IFNAR2: variants seen among roughly 807,000 people sequenced by gnomAD.
IFNAR2 encodes interferon alpha/beta receptor 2.
IFNAR2 carries 30 observed loss-of-function variants against 49.4 expected under a neutral mutation model. That is an observed-to-expected ratio of 0.61 (90% CI 0.45 to 0.82). IFNAR2 has a LOEUF of 0.82. IFNAR2 is among the 40% of genes least tolerant of loss of function. The pLI is 0.00. For missense variants in IFNAR2, 600 were observed against 622.7 expected (o/e 0.96, Z 0.39); for synonymous variants, 224 against 234.5 (o/e 0.96, Z 0.41).
chr21:33,230,426 A>AC lies in IFNAR2; in HGVS notation c.-84+214dup. ...CCGGGGCCGCACCTGCGACCCCAGGACCCCTCCCGGGCCCTGTCCTGCGCC... is the reference window on the plus strand; with the variant it reads ...CCGGGGCCGCACCTGCGACCCCAGGACCCCCTCCCGGGCCCTGTCCTGCGCC... On this transcript the variant is annotated intron_variant, in intron 1 of 8. Transcript: ENST00000342136. The surrounding 1 kb of genome is among the most constrained non-coding windows in gnomAD (Gnocchi z 5.5). 2 of 469,120 alleles carry AC rather than the reference A, an allele frequency of 4.3e-6. No homozygotes were observed. Among genetic ancestry groups the AC allele is most frequent in the Non-Finnish European group, 8.3e-6 (2 of 240,960 alleles). 29.1% of individuals were successfully genotyped at this position (469,120 alleles called of 1,614,324 possible).
At chr21:33,258,390 G>C (rs1456594925) in intron 7 of IFNAR2, among the ~76,000 whole-genome samples, 1 of 152,028 alleles carries the variant, frequency 6.6e-6, no homozygotes, top group South Asian at 2.1e-4. Flanking sequence ...TGAAGGAGGG[G>C]GCCATGAGCA....
rs1459262889 is a variant in IFNAR2 at position 33,242,751 on chromosome 21, TCGTGTG to T, written c.55+781_55+786del. ...CTCAAAAAAAAAAAAAAAAAAAATC[TCGTGTG>T]CGTGTGTGTGTGTGTGTGTGTGTGT... On this transcript the variant is annotated intron_variant, in intron 2 of 8. Coordinates refer to ENST00000342136, the MANE Select transcript of IFNAR2 (RefSeq NM_001289125.3). 4.1e-3 allele frequency among the ~76,000 whole-genome samples: 46 copies of T among 11,162 alleles called. 10 individuals are homozygous for T. The highest frequency in any genetic ancestry group is 6.0e-3 in the Non-Finnish European group (34 of 5,700). 7.3% of individuals were successfully genotyped at this position (11,162 alleles called of 152,430 possible).
Position 33,262,833 on chromosome 21 carries a change from C to T in IFNAR2, c.881C>T (p.Pro294Leu). ...TTAGCCTGGCCATTTCCTAACCTGC[C>T]ACCGTTGGAAGCCATGGATATGGTG... is the stretch of plus-strand genomic sequence containing the variant. Reference protein sequence around the residue: ...NFLAWPFPNLPPLEAMDMVEV... With the variant: ...NFLAWPFPNLLPLEAMDMVEV... Residue 294 changes from proline to leucine, a missense_variant, in exon 9 of 9, where the codon CCA (proline) becomes CTA (leucine). Transcript: ENST00000342136. 6.2e-7 allele frequency: 1 copy of T among 1,609,118 alleles called. No homozygotes were observed. The highest frequency in any genetic ancestry group is 1.7e-4 in the Middle Eastern group (1 of 6,028).
chr21:33,237,110 T>TGTGTGTG (rs1439441197), intron 1 of IFNAR2, among the ~76,000 whole-genome samples: 2 of 148,502 alleles, frequency 1.3e-5, no homozygotes, highest in African/African-American at 2.5e-5. Flanking sequence ...TGTGTGTGTG[T>TGTGTGTG]TTTCTCGGCT....
intron 1 of IFNAR2, chr21:33,233,011 A>G: frequency 1.3e-6 from 1 of 794,804 alleles, no homozygotes; most frequent in South Asian, 5.7e-5. Flanking sequence ...AACAGAAGAA[A>G]TTCATTACCA....
Position 33,265,172 on chromosome 21 carries a change from T to C in IFNAR2, c.*1672T>C, listed in dbSNP as rs1000251675. On this transcript the variant is annotated 3_prime_UTR_variant, in exon 9 of 9. Coordinates refer to ENST00000342136, the MANE Select transcript of IFNAR2 (RefSeq NM_001289125.3). ...GGATTGGACTAGGTAATCTCCAAGA[T>C]CCTAGGAACCCAGGAGAAAGATGAG... 6.6e-6 allele frequency: 1 copy of C among 152,088 alleles called. No individual in the cohort carries two copies. Among genetic ancestry groups the C allele is most frequent in the African/African-American group, 2.4e-5 (1 of 41,376 alleles). 9.4% of individuals were successfully genotyped at this position (152,088 alleles called of 1,614,324 possible). A position where few individuals can be genotyped will look rare whatever the true frequency, so the allele number is the denominator to read the frequency against.
In IFNAR2 at chr21:33,260,782, C is replaced by T. The variant is rs1386155925; in HGVS notation, c.840+55C>T. On this transcript the variant is annotated intron_variant, in intron 8 of 8. Coordinates refer to ENST00000342136, the MANE Select transcript of IFNAR2 (RefSeq NM_001289125.3). ...TTTCTATCTTTGTTTTTTATTTTAACTTAAGAATTTGTATTTATATAAATA... is the reference window on the plus strand; with the variant it reads ...TTTCTATCTTTGTTTTTTATTTTAATTTAAGAATTTGTATTTATATAAATA... 2.6e-6 allele frequency: 3 copies of T among 1,136,442 alleles called. No individual in the cohort carries two copies. In the African/African-American group the frequency reaches 4.9e-5, roughly 19 times the overall value. 70.4% of individuals were successfully genotyped at this position (1,136,442 alleles called of 1,614,324 possible). A position where few individuals can be genotyped will look rare whatever the true frequency, so the allele number is the denominator to read the frequency against.
rs1447979040 is a variant in IFNAR2 at position 33,263,838 on chromosome 21, T to C, written c.*338T>C. The C allele has an allele frequency of 5.0e-6, 1 of 198,270 alleles. No homozygotes were observed. The highest frequency in any genetic ancestry group is 1.0e-5 in the Non-Finnish European group (1 of 99,472). 12.3% of individuals were successfully genotyped at this position (198,270 alleles called of 1,614,324 possible). ...AGAGGTGGTCCAGGACCCTATGATA[T>C]TTCTCTTCTTTCGTTCTTTTTTTTT... On this transcript the variant is annotated 3_prime_UTR_variant, in exon 9 of 9. Coordinates refer to ENST00000342136, the MANE Select transcript of IFNAR2 (RefSeq NM_001289125.3).
At chr21:33,257,995 T>G (rs1988323871) in intron 7 of IFNAR2, among the ~76,000 whole-genome samples, 1 of 152,072 alleles carries the variant, frequency 6.6e-6, no homozygotes, top group Non-Finnish European at 1.5e-5. Context: ...CCAAAGGGGC[T>G]TGTGGGTGTG....
chr21:33,257,441 T>C (rs890358780), intron 7 of IFNAR2, among the ~76,000 whole-genome samples: 1 of 152,124 alleles, frequency 6.6e-6, no homozygotes, highest in Non-Finnish European at 1.5e-5. Flanking sequence ...GTGGCCAGCT[T>C]TTATTCCCTT....
chr21:33,233,444 C>T (rs1421207662), intron 1 of IFNAR2, among the ~76,000 whole-genome samples: 1 of 152,128 alleles, frequency 6.6e-6, no homozygotes. Flanking sequence ...AGGAACATGC[C>T]ATGTTCCAGA....
chr21:33,241,877 T>C lies in IFNAR2; in HGVS notation c.-46T>C. The C allele has an allele frequency of 1.2e-6, 2 of 1,607,814 alleles. No homozygotes were observed. Among genetic ancestry groups the C allele is most frequent in the Non-Finnish European group, 1.7e-6 (2 of 1,175,816 alleles). ...CTTCAGAATTTTGATCACCTAATGT[T>C]GATTTCAGATGTAAAAGTCAAGAGA... On this transcript the variant is annotated 5_prime_UTR_variant, in exon 2 of 9. Transcript: ENST00000342136.
chr21:33,239,788 G>T (rs13051993), intron 1 of IFNAR2, among the ~76,000 whole-genome samples: 1 of 150,148 alleles, frequency 6.7e-6, no homozygotes, highest in African/African-American at 2.5e-5. Context: ...AATGTTGTGA[G>T]CTACAGGTTC....
At position 33,263,636 on chromosome 21, in the gene IFNAR2, A is replaced by C. The variant is rs1241851687; in HGVS notation, c.*136A>C. On this transcript the variant is annotated 3_prime_UTR_variant, in exon 9 of 9. Transcript: ENST00000342136. ...GGAAACTGTGGTGTTCCTTTCTTCCAGGTGACATCACCTATGCACATTCCC... is the reference window on the plus strand; with the variant it reads ...GGAAACTGTGGTGTTCCTTTCTTCCCGGTGACATCACCTATGCACATTCCC... The C allele has an allele frequency of 1.3e-6, 1 of 747,700 alleles. No homozygotes were observed. Among genetic ancestry groups the C allele is most frequent in the Non-Finnish European group, 2.1e-6 (1 of 470,654 alleles). 46.3% of individuals were successfully genotyped at this position (747,700 alleles called of 1,614,324 possible). A position where few individuals can be genotyped will look rare whatever the true frequency, so the allele number is the denominator to read the frequency against.
chr21:33,254,957 T>C (rs1274588822), intron 7 of IFNAR2, among the ~76,000 whole-genome samples: 1 of 152,184 alleles, frequency 6.6e-6, no homozygotes, highest in Admixed American at 6.5e-5. Context: ...TATGGTCACT[T>C]GTGAATGAAG....
rs1436605939 is a variant in IFNAR2, at chr21:33,264,871, G to A, written c.*1371G>A. ...CTGGGCGTAGTGGCATGTGCCTGTT[G>A]TCCCAGCTACTTGGGAGGCTGAGGT... On this transcript the variant is annotated 3_prime_UTR_variant, in exon 9 of 9. Coordinates refer to ENST00000342136, the MANE Select transcript of IFNAR2 (RefSeq NM_001289125.3). The A allele has an allele frequency of 6.6e-6, 1 of 152,352 alleles. No homozygotes were observed. Among genetic ancestry groups the A allele is most frequent in the African/African-American group, 2.4e-5 (1 of 41,442 alleles). 9.4% of individuals were successfully genotyped at this position (152,352 alleles called of 1,614,324 possible). A position where few individuals can be genotyped will look rare whatever the true frequency, so the allele number is the denominator to read the frequency against.
rs576609383 is a variant in IFNAR2, at chr21:33,247,344, C to T, written c.394+454C>T. ...TTCGCTCACTGCAACCTCCACCTTC[C>T]AGGTTCAAGCGATTCTCCCACCTCA... is the stretch of plus-strand genomic sequence containing the variant. On this transcript the variant is annotated intron_variant, in intron 5 of 8. Coordinates refer to ENST00000342136, the MANE Select transcript of IFNAR2 (RefSeq NM_001289125.3). Among the ~76,000 whole-genome samples, 5 of 150,394 alleles carry T rather than the reference C, an allele frequency of 3.3e-5. No homozygotes were observed. In the South Asian group the frequency reaches 6.3e-4, roughly 19 times the overall value.
intron 1 of IFNAR2, among the ~76,000 whole-genome samples, chr21:33,237,070 G>T (rs1032764931): frequency 1.5e-4 from 15 of 102,916 alleles, no homozygotes; most frequent in African/African-American, 5.8e-4. Context: ...CCCAGAGGGG[G>T]AGAATGGGGT....
chr21:33,261,730 G>A (rs564885398), intron 8 of IFNAR2, among the ~76,000 whole-genome samples: 1 of 152,112 alleles, frequency 6.6e-6, no homozygotes, highest in Non-Finnish European at 1.5e-5. Context: ...AAATAAATTA[G>A]CCAGGCATGC....
Sources: gnomAD v4.1 joint callset for allele counts (sites outside exome capture counted in the v4.1 genomes callset) on GRCh38, gnomAD v4.1.1 for gene constraint, Gnocchi (gnomAD v3.1) non-coding constraint, MANE v1.5 for transcripts, NCBI Gene and HGNC (gene_info 2026-07-23, HGNC 2026-07-21) for gene names.